The following SLC8A1 variants were observed in gnomAD, a reference collection of about 807,000 sequenced individuals.
SLC8A1 encodes the protein solute carrier family 8 member A1.
Under a neutral mutation model 68.3 loss-of-function variants are expected in SLC8A1, and 18 were observed. The observed-to-expected ratio is 0.26, with a 90% CI of 0.18 to 0.39. The LOEUF is 0.39. SLC8A1 is among the 10% of genes least tolerant of loss of function. The probability of loss-of-function intolerance (pLI) is 1.00; values close to 1 mark genes in which losing one functional copy is unlikely to be tolerated. For synonymous variants in SLC8A1, 475 were observed against 415.5 expected, an observed-to-expected ratio of 1.14 and a Z score of -1.74; for missense variants, 985 against 1,156.7, an observed-to-expected ratio of 0.85 and a Z score of 2.15.
chr2:40,344,371 G>T (rs960494963), intron 2 of SLC8A1, among the ~76,000 whole-genome samples: 5 of 151,990 alleles, frequency 3.3e-5, no homozygotes, highest in African/African-American at 1.2e-4. Flanking sequence ...TGCTTTGGAG[G>T]GAGAGATTTA....
At chr2:40,504,638 A>T (rs1660700224) in intron 1 of SLC8A1, among the ~76,000 whole-genome samples, 2 of 152,098 alleles carry the variant, frequency 1.3e-5, no homozygotes, top group South Asian at 4.1e-4. Context: ...TCAGATTTTT[A>T]AAAATGGCAG....
intron 7 of SLC8A1, among the ~76,000 whole-genome samples, chr2:40,125,332 C>G (rs2037849246): frequency 2.6e-5 from 4 of 152,172 alleles, no homozygotes; most frequent in African/African-American, 9.7e-5. Flanking sequence ...GCCTTGACAT[C>G]AGGATCTGGC....
intron 2 of SLC8A1, among the ~76,000 whole-genome samples, chr2:40,197,305 T>C (rs151291911): frequency 7.7e-4 from 117 of 152,102 alleles, no homozygotes; most frequent in African/African-American, 2.6e-3. Flanking sequence ...TCAGAGATCG[T>C]TGGCAGAAGT....
chr2:40,440,544 T>G (rs1360321616), intron 1 of SLC8A1, among the ~76,000 whole-genome samples: 1 of 152,146 alleles, frequency 6.6e-6, no homozygotes, highest in Non-Finnish European at 1.5e-5. Flanking sequence ...GCTAGAACCA[T>G]GAGATAGACA....
chr2:40,216,830 C>G (rs921468265), intron 2 of SLC8A1, among the ~76,000 whole-genome samples: 1 of 152,116 alleles, frequency 6.6e-6, no homozygotes, highest in Admixed American at 6.6e-5. Context: ...AGATCCTTCG[C>G]CCACTTTTTG....
At chr2:40,132,764 AAT>A (rs1491465952) in intron 7 of SLC8A1, among the ~76,000 whole-genome samples, 3 of 148,356 alleles carry the variant, frequency 2.0e-5, no homozygotes, top group Non-Finnish European at 1.5e-5. Context: ...CGTCAAAAAA[AAT>A]AAAGGTTGAA....
chr2:40,411,730 C>G (rs2149702245), intron 2 of SLC8A1, among the ~76,000 whole-genome samples: 1 of 152,050 alleles, frequency 6.6e-6, no homozygotes, highest in Admixed American at 6.6e-5. Flanking sequence ...ACTTCTAACG[C>G]AAACCTTCAC....
chr2:40,494,980 C>T (rs1013913664), intron 1 of SLC8A1, among the ~76,000 whole-genome samples: 1 of 151,364 alleles, frequency 6.6e-6, no homozygotes, highest in South Asian at 2.1e-4. Flanking sequence ...AAAACTGAAG[C>T]AAAGATTGAA....
exon 5 of SLC8A1, chr2:40,164,953 G>T: frequency 2.5e-6 from 4 of 1,613,900 alleles, no homozygotes; most frequent in Non-Finnish European, 3.4e-6. Context: ...CTTCCTCTTT[G>T]CTGGTCAGTG....
chr2:40,386,715 T>A (rs947057124), intron 2 of SLC8A1, among the ~76,000 whole-genome samples: 1 of 150,838 alleles, frequency 6.6e-6, no homozygotes, highest in Admixed American at 6.6e-5. Flanking sequence ...CATATATTCA[T>A]GTACGGAAAC....
chr2:40,277,630 G>A (rs1312435003), intron 2 of SLC8A1, among the ~76,000 whole-genome samples: 1 of 151,732 alleles, frequency 6.6e-6, no homozygotes, highest in Non-Finnish European at 1.5e-5. Flanking sequence ...AATAATCACT[G>A]CAAAGACCTT....
intron 2 of SLC8A1, among the ~76,000 whole-genome samples, chr2:40,274,445 G>C: frequency 6.6e-6 from 1 of 152,000 alleles, no homozygotes; most frequent in African/African-American, 2.4e-5. Flanking sequence ...CATGGAATGG[G>C]GCTGTCTCTG....
chr2:40,292,939 G>A (rs574939985), intron 2 of SLC8A1, among the ~76,000 whole-genome samples: 1 of 152,134 alleles, frequency 6.6e-6, no homozygotes, highest in Non-Finnish European at 1.5e-5. Context: ...CTGCCTTTGA[G>A]AAACCATAGA....
At chr2:40,424,198 C>A (rs985798679) in intron 2 of SLC8A1, among the ~76,000 whole-genome samples, 35 of 151,752 alleles carry the variant, frequency 2.3e-4, no homozygotes, top group Non-Finnish European at 1.2e-4. Context: ...TTCATCATTT[C>A]TGATTTCTCC....
rs114946425 is a variant in SLC8A1 at position 40,313,597 on chromosome 2, C to A, written c.1808+114876G>T. ...CAATTTTTTTTTAATGAGACAGGTT[C>A]TTCCTATATTGCCCAGACTGGTCTT... On this transcript the variant is annotated intron_variant, in intron 2 of 7. Coordinates refer to ENST00000406785, the Ensembl canonical transcript of SLC8A1. Among the ~76,000 whole-genome samples the A allele has an allele frequency of 6.7e-3, 1,011 of 152,004 alleles. 7 individuals carry two copies. The highest frequency in any genetic ancestry group is 0.012 in the Non-Finnish European group (814 of 67,974).
At chr2:40,162,243 C>G (rs969046153) in intron 5 of SLC8A1, among the ~76,000 whole-genome samples, 6 of 152,198 alleles carry the variant, frequency 3.9e-5, no homozygotes, top group African/African-American at 1.4e-4. Flanking sequence ...AAGCACTTGA[C>G]CAGCATCCAT....
At chr2:40,235,823 GA>G (rs1447153808) in intron 2 of SLC8A1, among the ~76,000 whole-genome samples, 1 of 149,854 alleles carries the variant, frequency 6.7e-6, no homozygotes, top group Admixed American at 6.7e-5. Flanking sequence ...TGGTTTCAAA[GA>G]ACATCTTTAT....
At chr2:40,311,897 A>G (rs1176095347) in intron 2 of SLC8A1, among the ~76,000 whole-genome samples, 1 of 152,200 alleles carries the variant, frequency 6.6e-6, no homozygotes, top group Admixed American at 6.5e-5. Context: ...ACAAACTCAG[A>G]AAATAGTTCT....
At chr2:40,490,318 C>T (rs556374681) in intron 1 of SLC8A1, among the ~76,000 whole-genome samples, 9 of 152,080 alleles carry the variant, frequency 5.9e-5, no homozygotes, top group Admixed American at 2.0e-4. Flanking sequence ...TAAACAGACA[C>T]TTTAGTATTT....
Sources: gnomAD v4.1 joint callset for allele counts (sites outside exome capture counted in the v4.1 genomes callset) on GRCh38, gnomAD v4.1.1 for gene constraint, MANE v1.5 for transcripts, NCBI Gene and HGNC (gene_info 2026-07-23, HGNC 2026-07-21) for gene names.